SH2D3C: variants seen among roughly 807,000 people sequenced by gnomAD.
The protein encoded by SH2D3C is SH2 domain-containing protein 3C.
In SH2D3C, 25 loss-of-function variants were observed where a neutral mutation model predicts 75.2. The ratio of observed to expected loss-of-function variants is 0.33; its 90% CI spans 0.24 to 0.46. The LOEUF is 0.46. Among genes scored for constraint, SH2D3C ranks in the 20% least tolerant of loss-of-function variants. The probability of loss-of-function intolerance (pLI) is 1.00; values close to 1 mark genes in which losing one functional copy is unlikely to be tolerated. For synonymous variants in SH2D3C, 450 were observed against 473.7 expected, an observed-to-expected ratio of 0.95 and a Z score of 0.65; for missense variants, 933 against 1,165.3, an observed-to-expected ratio of 0.80 and a Z score of 2.90.
intron 3 of SH2D3C, among the ~76,000 whole-genome samples, chr9:127,759,791 G>A (rs1845482394): frequency 6.6e-6 from 1 of 152,006 alleles, no homozygotes; most frequent in African/African-American, 2.4e-5. Context: ...AGACCATCCT[G>A]GCTAACACGG....
chr9:127,767,989 G>A (rs971340835), intron 2 of SH2D3C, among the ~76,000 whole-genome samples: 3 of 152,156 alleles, frequency 2.0e-5, no homozygotes, highest in African/African-American at 7.2e-5. Flanking sequence ...TAGGGGCCGG[G>A]GGAACAGCCC....
chr9:127,755,106 G>A (rs1845335910), intron 3 of SH2D3C: 39 of 1,217,544 alleles, frequency 3.2e-5, no homozygotes, highest in South Asian at 2.4e-4. Context: ...AGCCGCGGTA[G>A]AAGCAGCAGG....
chr9:127,777,018 G>A (rs984283793), intron 1 of SH2D3C, among the ~76,000 whole-genome samples: 11 of 152,104 alleles, frequency 7.2e-5, no homozygotes, highest in African/African-American at 2.7e-4. Flanking sequence ...AGTGGGGGCT[G>A]GGAGGGAAAC....
In SH2D3C at chr9:127,744,627, C is replaced by T. The variant is rs2233513; in HGVS notation, c.1737G>A (p.Lys579=). 8.0e-3 allele frequency: 12,983 copies of T among 1,614,034 alleles called. 127 individuals carry two copies. The highest frequency in any genetic ancestry group is 0.038 in the Middle Eastern group (232 of 6,058). Residue 579 remains lysine, a synonymous_variant, in exon 7 of 12, where the codon AAG becomes AAA. Coordinates refer to ENST00000314830, the MANE Select transcript of SH2D3C (RefSeq NM_170600.3). ...GGGCATCCACTTCTGCCAGCAGCTC[C>T]TTGACCTTGCGCAGAAGGCCCACCT... The part of the protein sequence containing the change: ...PLEVGLLRKV[K]ELLAEVDART...
At chr9:127,741,192 C>G (rs1392584906) in intron 9 of SH2D3C, among the ~76,000 whole-genome samples, 2 of 152,020 alleles carry the variant, frequency 1.3e-5, no homozygotes, top group African/African-American at 4.8e-5. Flanking sequence ...TAGTATAGCA[C>G]CTAGCCTATA....
At chr9:127,752,726 C>T (rs999803573) in intron 3 of SH2D3C, among the ~76,000 whole-genome samples, 1 of 152,168 alleles carries the variant, frequency 6.6e-6, no homozygotes, top group African/African-American at 2.4e-5. Flanking sequence ...TTCCATTCAA[C>T]ATTGACTAGG....
intron 7 of SH2D3C, among the ~76,000 whole-genome samples, chr9:127,743,502 C>G (rs139934667): frequency 6.6e-6 from 1 of 151,954 alleles, no homozygotes. Flanking sequence ...GACTCCATCT[C>G]AAAAAATAAA....
At chr9:127,755,297 G>A (rs1845346180) in intron 3 of SH2D3C, 1 of 1,116,478 alleles carries the variant, frequency 9.0e-7, no homozygotes, top group South Asian at 4.5e-5. Context: ...TGTCGGGGGA[G>A]GAGCGGGGAG....
chr9:127,758,117 C>T (rs368649225), intron 3 of SH2D3C, among the ~76,000 whole-genome samples: 10 of 151,824 alleles, frequency 6.6e-5, no homozygotes, highest in Admixed American at 3.3e-4. Context: ...TGTGAGCCAC[C>T]GCACCCAGCC....
At chr9:127,747,847 C>G (rs966327243) in intron 5 of SH2D3C, among the ~76,000 whole-genome samples, 2 of 152,060 alleles carry the variant, frequency 1.3e-5, no homozygotes, top group South Asian at 2.1e-4. Context: ...GCCATTAGCC[C>G]GGTTCCTAGT....
intron 2 of SH2D3C, among the ~76,000 whole-genome samples, chr9:127,761,898 G>A (rs1183583637): frequency 6.6e-6 from 1 of 152,196 alleles, no homozygotes; most frequent in Non-Finnish European, 1.5e-5. Context: ...GACAGCCTCT[G>A]CCTAATGGCA....
chr9:127,770,135 C>T (rs1044825131), intron 2 of SH2D3C, among the ~76,000 whole-genome samples: 5 of 152,092 alleles, frequency 3.3e-5, no homozygotes, highest in Admixed American at 3.3e-4. Flanking sequence ...GCAGGCTAGG[C>T]TGGTGCTTTC....
At chr9:127,765,508 T>A (rs1845617655) in intron 2 of SH2D3C, among the ~76,000 whole-genome samples, 1 of 152,154 alleles carries the variant, frequency 6.6e-6, no homozygotes, top group East Asian at 1.9e-4. Flanking sequence ...GGCTGGGCCC[T>A]CTGTGACCCA....
intron 1 of SH2D3C, among the ~76,000 whole-genome samples, chr9:127,778,379 C>G (rs1055657052): frequency 2.0e-5 from 3 of 152,056 alleles, no homozygotes; most frequent in Admixed American, 1.3e-4. Flanking sequence ...TCACTTGAGC[C>G]TGGGAAGTCA....
At chr9:127,763,097 T>C (rs920794393) in intron 2 of SH2D3C, among the ~76,000 whole-genome samples, 2 of 152,216 alleles carry the variant, frequency 1.3e-5, no homozygotes, top group African/African-American at 4.8e-5. Context: ...GCCTTCGCAC[T>C]TGCTGTTCCC....
At chr9:127,771,176 G>A (rs1386984583) in intron 2 of SH2D3C, 20 of 1,539,670 alleles carry the variant, frequency 1.3e-5, no homozygotes, top group Admixed American at 2.0e-5. Flanking sequence ...GGCCCAGCTC[G>A]GTCACTCACC....
intron 1 of SH2D3C, among the ~76,000 whole-genome samples, chr9:127,775,930 G>C (rs1362299352): frequency 3.3e-5 from 5 of 151,940 alleles, no homozygotes; most frequent in African/African-American, 1.2e-4. Context: ...CTGGGTTCAA[G>C]CGATTCTCCT....
Position 127,751,399 on chromosome 9 carries a change from G to C in SH2D3C, c.556-99C>G. 2 of 1,216,932 alleles carry C rather than the reference G, an allele frequency of 1.6e-6. No individual in the cohort carries two copies. Among genetic ancestry groups the C allele is most frequent in the Middle Eastern group, 1.9e-4 (1 of 5,206 alleles). 75.4% of individuals were successfully genotyped at this position (1,216,932 alleles called of 1,614,324 possible). ...CATGGATGAACTCCTCCTATCCTGG[G>C]ACTCTGGGAACACTAAGGCACAGGT... is the stretch of plus-strand genomic sequence containing the variant. On this transcript the variant is annotated intron_variant, in intron 3 of 11. Coordinates refer to ENST00000314830, the MANE Select transcript of SH2D3C (RefSeq NM_170600.3). This position sits in a 1 kb window ranked among gnomAD's most constrained non-coding sequence, Gnocchi z 4.1.
chr9:127,771,148 C>T, intron 2 of SH2D3C: 1 of 1,489,152 alleles, frequency 6.7e-7, no homozygotes, highest in Non-Finnish European at 9.0e-7. Context: ...CTCTCCTGCT[C>T]CCCGCTGGCC....
Sources: allele counts gnomAD v4.1 joint callset (sites outside exome capture counted in the v4.1 genomes callset), GRCh38; gene constraint gnomAD v4.1.1; non-coding constraint Gnocchi (gnomAD v3.1); transcripts MANE v1.5; gene names NCBI Gene and HGNC (gene_info 2026-07-23, HGNC 2026-07-21).